The following MLLT10 variants were observed in gnomAD, a reference collection of about 807,000 sequenced individuals.
MLLT10 encodes protein AF-10.
Under a neutral mutation model 129.1 loss-of-function variants are expected in MLLT10, and 30 were observed. The observed-to-expected ratio is 0.23, with a 90% confidence interval of 0.17 to 0.32. The LOEUF (loss-of-function observed/expected upper bound fraction) is 0.32, where lower values mean the gene tolerates loss of function less well. MLLT10 is among the 10% of genes least tolerant of loss of function. The pLI is 1.00. For missense variants in MLLT10, 1,119 were observed against 1,268.3 expected, an observed-to-expected ratio of 0.88 and a Z score of 1.79; for synonymous variants, 490 against 446.4, an observed-to-expected ratio of 1.10 and a Z score of -1.23.
At chr10:21,585,952 G>T (rs373541819) in intron 3 of MLLT10, among the ~76,000 whole-genome samples, 2 of 152,112 alleles carry the variant, frequency 1.3e-5, no homozygotes, top group East Asian at 3.9e-4. Context: ...GTAGAGACGG[G>T]GTTTCTGCAT....
intron 22 of MLLT10, 81 bp from the exon 23 acceptor site, chr10:21,741,858 A>G: frequency 1.4e-6 from 2 of 1,455,686 alleles, no homozygotes; most frequent in Non-Finnish European, 1.9e-6. Context: ...ACCACATTTT[A>G]TCTCAGTCAC....
At chr10:21,592,425 C>T (rs575657980) in intron 4 of MLLT10, among the ~76,000 whole-genome samples, 7 of 151,074 alleles carry the variant, frequency 4.6e-5, no homozygotes, top group African/African-American at 1.7e-4. Flanking sequence ...CATTTCTTTC[C>T]CTTAGTTTTC....
chr10:21,738,311 T>A, intron 21 of MLLT10: 1 of 966,232 alleles, frequency 1.0e-6, no homozygotes, highest in Non-Finnish European at 1.4e-6. Context: ...TGGGATCTTG[T>A]TTTTTCTTAC....
chr10:21,699,634 C>T (rs938073359), intron 13 of MLLT10, among the ~76,000 whole-genome samples: 2 of 151,410 alleles, frequency 1.3e-5, no homozygotes, highest in Admixed American at 1.3e-4. Flanking sequence ...AAGAGGATAT[C>T]CTTTCCTCGG....
At chr10:21,610,188 A>C (rs996828846) in intron 5 of MLLT10, among the ~76,000 whole-genome samples, 5 of 152,106 alleles carry the variant, frequency 3.3e-5, no homozygotes, top group African/African-American at 1.2e-4. Context: ...GGAACTTTCC[A>C]CTCTACTAAA....
chr10:21,732,758 C>A, intron 17 of MLLT10, 141 bp from the exon 18 acceptor site: 2 of 688,882 alleles, frequency 2.9e-6, no homozygotes, highest in Non-Finnish European at 4.3e-6. Context: ...AATTTAGGAA[C>A]AAAACTTTAT....
At chr10:21,597,141 C>A (rs1481383259) in intron 5 of MLLT10, among the ~76,000 whole-genome samples, 1 of 151,988 alleles carries the variant, frequency 6.6e-6, no homozygotes, top group Non-Finnish European at 1.5e-5. Context: ...CTTCCCTAAA[C>A]CATTTGAGAG....
intron 13 of MLLT10, among the ~76,000 whole-genome samples, chr10:21,710,576 C>T (rs1419070200): frequency 3.3e-5 from 5 of 152,112 alleles, no homozygotes; most frequent in Non-Finnish European, 7.3e-5. Flanking sequence ...GCTTCTCACT[C>T]CTAGATTTAT....
chr10:21,651,538 C>A, intron 8 of MLLT10, 135 bp from the exon 9 acceptor site: 1 of 599,502 alleles, frequency 1.7e-6, no homozygotes, highest in Non-Finnish European at 2.9e-6. Context: ...TATAAAACAA[C>A]ACAATGATCA....
intron 3 of MLLT10, chr10:21,557,719 C>G (rs990951260): frequency 6.6e-6 from 1 of 152,044 alleles, no homozygotes; most frequent in Non-Finnish European, 1.5e-5. Flanking sequence ...CTGGAAAGGA[C>G]TCTGATTGGC....
At chr10:21,592,412 T>G (rs1445953719) in intron 4 of MLLT10, among the ~76,000 whole-genome samples, 1 of 152,034 alleles carries the variant, frequency 6.6e-6, no homozygotes, top group Non-Finnish European at 1.5e-5. Flanking sequence ...TCTTTAAGAT[T>G]TTCATTTCTT....
At position 21,619,882 on chromosome 10, in the gene MLLT10, CT is replaced by C. The variant is rs1167480392; in HGVS notation, c.699+2680del. Reference sequence around the variant, plus strand: ...TAAAAGATTGAGTGTTATAGACTATCTTTTTCTCCTTCCCTCCTTACCTCTT... The same window carrying C: ...TAAAAGATTGAGTGTTATAGACTATCTTTTCTCCTTCCCTCCTTACCTCTT... On this transcript the variant is annotated intron_variant, in intron 8 of 22. Transcript: ENST00000307729. 2.7e-5 allele frequency among the ~76,000 whole-genome samples: 4 copies of C among 150,364 alleles called. No individual in the cohort carries two copies. The East Asian group carries it at 7.8e-4, about 29-fold the overall frequency.
chr10:21,726,139 T>G (rs570283655), intron 14 of MLLT10, 105 bp from the exon 15 acceptor site: 1 of 762,356 alleles, frequency 1.3e-6, no homozygotes, highest in East Asian at 2.9e-5. Context: ...AAATTTTGCT[T>G]ATATTCTTAG....
At chr10:21,611,318 T>C (rs569405409) in intron 5 of MLLT10, among the ~76,000 whole-genome samples, 7 of 152,076 alleles carry the variant, frequency 4.6e-5, no homozygotes, top group African/African-American at 1.7e-4. Flanking sequence ...GAATCCTAGG[T>C]TTTCAATAGA....
chr10:21,708,860 T>A, intron 13 of MLLT10: 1 of 559,074 alleles, frequency 1.8e-6, no homozygotes, highest in Non-Finnish European at 2.3e-6. Flanking sequence ...ACAGATACAT[T>A]TTTAATGAAA....
intron 3 of MLLT10, among the ~76,000 whole-genome samples, chr10:21,579,755 G>A (rs928799423): frequency 6.6e-6 from 1 of 151,684 alleles, no homozygotes; most frequent in Non-Finnish European, 1.5e-5. Context: ...TAGAGACGGG[G>A]TTTCTCCATG....
intron 8 of MLLT10, chr10:21,625,726 C>G: frequency 2.6e-6 from 2 of 768,500 alleles, no homozygotes; most frequent in South Asian, 2.7e-5. Flanking sequence ...CACAGAAATG[C>G]GCACTCCATG....
In MLLT10 at chr10:21,734,121, G is replaced by C; in HGVS notation, c.2850G>C (p.Leu950=). ...PNATHPMPAT[L]TNSASGLGLL... ...CAACACATCCAATGCCAGCTACACT[G>C]ACTAACAGGTAAGAAACTTAAGTAT... Residue 950 remains leucine, a synonymous_variant, in exon 20 of 23, where the codon CTG becomes CTC. Coordinates refer to ENST00000307729, the MANE Select transcript of MLLT10 (RefSeq NM_001195626.3). The C allele has an allele frequency of 6.3e-7, 1 of 1,598,664 alleles. No homozygotes were observed. Among genetic ancestry groups the C allele is most frequent in the Non-Finnish European group, 8.5e-7 (1 of 1,171,004 alleles).
At chr10:21,578,350 C>T (rs139978923) in intron 3 of MLLT10, among the ~76,000 whole-genome samples, 1 of 152,150 alleles carries the variant, frequency 6.6e-6, no homozygotes, top group African/African-American at 2.4e-5. Flanking sequence ...AGTGGAAGAG[C>T]TCTGTATCCT....
Sources: gnomAD v4.1 joint callset for allele counts (sites outside exome capture counted in the v4.1 genomes callset) on GRCh38, gnomAD v4.1.1 for gene constraint, MANE v1.5 for transcripts, NCBI Gene and HGNC (gene_info 2026-07-23, HGNC 2026-07-21) for gene names.